Variants in ROBO1 observed in about 807,000 individuals in gnomAD.
The protein encoded by ROBO1 is roundabout guidance receptor 1.
A neutral mutation model predicts 195.9 loss-of-function variants in ROBO1; 149 were observed. The ratio of observed to expected loss-of-function variants is 0.76; its 90% CI spans 0.67 to 0.87. The LOEUF is 0.87. Among genes scored for constraint, ROBO1 ranks in the 40% least tolerant of loss-of-function variants. The pLI, the probability that ROBO1 is intolerant of heterozygous loss-of-function variation, is 0.00. For synonymous variants in ROBO1, 816 were observed against 733.2 expected (o/e 1.11, Z -1.82); for missense variants, 1,933 against 2,068.3 (o/e 0.93, Z 1.27).
chr3:79,240,284 C>T (rs1447200346), intron 2 of ROBO1, among the ~76,000 whole-genome samples: 3 of 152,142 alleles, frequency 2.0e-5, no homozygotes, highest in African/African-American at 4.8e-5. Flanking sequence ...GGTTCACCTA[C>T]GTTGTTGCAA....
chr3:78,638,274 T>C (rs556499001), intron 22 of ROBO1, among the ~76,000 whole-genome samples: 51 of 139,148 alleles, frequency 3.7e-4, no homozygotes, highest in Non-Finnish European at 6.3e-4. Flanking sequence ...TATGTGTATA[T>C]ATATACTTAC....
At chr3:79,332,516 C>A (rs1251842987) in intron 2 of ROBO1, among the ~76,000 whole-genome samples, 1 of 152,188 alleles carries the variant, frequency 6.6e-6, no homozygotes, top group Non-Finnish European at 1.5e-5. Flanking sequence ...AGAATACATA[C>A]ACACAGTTTG....
At chr3:79,476,861 A>G (rs1240026116) in intron 2 of ROBO1, among the ~76,000 whole-genome samples, 2 of 152,102 alleles carry the variant, frequency 1.3e-5, no homozygotes, top group African/African-American at 2.4e-5. Context: ...ATCACCATCA[A>G]AGAACTTACT....
At chr3:78,791,191 A>G (rs1414661716) in intron 4 of ROBO1, among the ~76,000 whole-genome samples, 3 of 152,108 alleles carry the variant, frequency 2.0e-5, no homozygotes, top group Non-Finnish European at 4.4e-5. Flanking sequence ...TCATTTTCCT[A>G]TTGCCATGCT....
chr3:78,776,727 G>A (rs540582914), intron 4 of ROBO1, among the ~76,000 whole-genome samples: 47 of 152,322 alleles, frequency 3.1e-4, no homozygotes, highest in African/African-American at 1.1e-3. Flanking sequence ...ATGTTTAACA[G>A]TAGAGACACT....
chr3:78,869,479 T>C lies in ROBO1; in HGVS notation c.499+69122A>G, dbSNP rs113506285. On this transcript the variant is annotated intron_variant, in intron 4 of 30. Transcript: ENST00000464233. Reference sequence around the variant, plus strand: ...CTTTCAAGGATTCAGATGCTTTCTATGGCTTATTTTACCCTGTTGCCAGGC... The same window carrying C: ...CTTTCAAGGATTCAGATGCTTTCTACGGCTTATTTTACCCTGTTGCCAGGC... 8.4e-3 allele frequency among the ~76,000 whole-genome samples: 1,279 copies of C among 152,306 alleles called. 22 individuals carry two copies. Among genetic ancestry groups the C allele is most frequent in the African/African-American group, 0.027 (1,140 of 41,564 alleles).
intron 4 of ROBO1, among the ~76,000 whole-genome samples, chr3:78,903,144 G>A (rs771183615): frequency 6.6e-6 from 1 of 151,960 alleles, no homozygotes; most frequent in Admixed American, 6.6e-5. Flanking sequence ...AAATATATCA[G>A]TAAAAATGAT....
At chr3:78,913,332 T>C (rs543164617) in intron 4 of ROBO1, among the ~76,000 whole-genome samples, 18 of 152,250 alleles carry the variant, frequency 1.2e-4, no homozygotes, top group African/African-American at 4.3e-4. Context: ...GGCCCTTTTA[T>C]ATTTACATTA....
At chr3:79,004,509 C>A (rs1288417989) in intron 3 of ROBO1, among the ~76,000 whole-genome samples, 1 of 152,090 alleles carries the variant, frequency 6.6e-6, no homozygotes, top group African/African-American at 2.4e-5. Context: ...TGGGCAAAGA[C>A]AGTATGTAGA....
At chr3:79,423,458 C>G (rs1217089652) in intron 2 of ROBO1, among the ~76,000 whole-genome samples, 1 of 152,136 alleles carries the variant, frequency 6.6e-6, no homozygotes, top group East Asian at 1.9e-4. Context: ...TCTCAAGCGA[C>G]AGCTTTATGG....
In ROBO1 at chr3:78,759,531, C is replaced by A. The variant is rs147319717; in HGVS notation, c.500-12631G>T. The stretch of plus-strand genomic sequence containing the variant: ...TGCATCCAATAAGCTATAAAGACCA[C>A]CATGATTTGAGGCCCCCTCTTGTCC... On this transcript the variant is annotated intron_variant, in intron 4 of 30. Coordinates refer to ENST00000464233, the MANE Select transcript of ROBO1 (RefSeq NM_002941.4). Among the ~76,000 whole-genome samples, 788 of 152,278 alleles carry A rather than the reference C, an allele frequency of 5.2e-3. 5 individuals are homozygous for A. The highest frequency in any genetic ancestry group is 6.0e-3 in the Non-Finnish European group (408 of 68,016).
chr3:79,705,022 A>T (rs1947726530), intron 1 of ROBO1, among the ~76,000 whole-genome samples: 1 of 151,838 alleles, frequency 6.6e-6, no homozygotes, highest in Non-Finnish European at 1.5e-5. Flanking sequence ...TCCCATTTTT[A>T]ATCAGGTTGT....
Position 78,670,292 on chromosome 3 carries a change from T to C in ROBO1, c.1352A>G (p.Asp451Gly). The stretch of plus-strand genomic sequence containing the variant: ...TTGTCGAATAACTGGGGGAGGCCGA[T>C]CTGCAATCACTGCCAGAAGAAACAA... Reference protein sequence around the residue: ...AYLEVTDVIADRPPPVIRQGP... With the variant: ...AYLEVTDVIAGRPPPVIRQGP... Residue 451 changes from aspartate to glycine, a missense_variant, in exon 11 of 31, where the codon GAT (aspartate) becomes GGT (glycine). This residue lies in a region of ROBO1 where 1,737 missense variants were observed against 1,882.5 expected (regional missense o/e 0.92). Coordinates refer to ENST00000464233, the MANE Select transcript of ROBO1 (RefSeq NM_002941.4). 1 of 1,561,114 alleles carries C rather than the reference T, an allele frequency of 6.4e-7. No individual in the cohort carries two copies. The highest frequency in any genetic ancestry group is 1.4e-5 in the African/African-American group (1 of 73,666).
intron 2 of ROBO1, among the ~76,000 whole-genome samples, chr3:79,145,374 C>T (rs961403594): frequency 5.2e-5 from 4 of 77,472 alleles, no homozygotes; most frequent in Admixed American, 1.2e-4. Context: ...CACACACATA[C>T]ACACACACAC....
At chr3:79,762,805 A>G (rs1704783746) in intron 1 of ROBO1, among the ~76,000 whole-genome samples, 1 of 152,200 alleles carries the variant, frequency 6.6e-6, no homozygotes. Flanking sequence ...TAGCTCGCCA[A>G]ACTTGTTGCA....
intron 3 of ROBO1, among the ~76,000 whole-genome samples, chr3:79,033,439 T>G (rs1440390219): frequency 3.9e-5 from 6 of 152,112 alleles, no homozygotes; most frequent in Admixed American, 3.3e-4. Flanking sequence ...GATTCACACA[T>G]CACTGAGGAA....
intron 4 of ROBO1, among the ~76,000 whole-genome samples, chr3:78,880,212 A>G (rs2036101418): frequency 1.3e-5 from 2 of 152,174 alleles, no homozygotes; most frequent in African/African-American, 4.8e-5. Context: ...TTTAAAGACC[A>G]TGTAATTTAA....
intron 4 of ROBO1, among the ~76,000 whole-genome samples, chr3:78,831,663 A>C (rs983066636): frequency 1.3e-5 from 2 of 152,198 alleles, no homozygotes; most frequent in Non-Finnish European, 2.9e-5. Flanking sequence ...TTTGTCTGTT[A>C]TCTCACTGCT....
intron 3 of ROBO1, among the ~76,000 whole-genome samples, chr3:78,966,071 T>C (rs1232761074): frequency 1.3e-5 from 2 of 152,170 alleles, no homozygotes; most frequent in Admixed American, 1.3e-4. Flanking sequence ...TGGCATTAGA[T>C]GCTCACGGCA....
Sources: gnomAD v4.1 joint callset for allele counts (sites outside exome capture counted in the v4.1 genomes callset) on GRCh38, gnomAD v4.1.1 for gene constraint, gnomAD v4.1.1 regional missense constraint, MANE v1.5 for transcripts, NCBI Gene and HGNC (gene_info 2026-07-23, HGNC 2026-07-21) for gene names.